Variants in MAPK14 observed in about 807,000 individuals in gnomAD.
MAPK14 encodes the protein CSAID-binding protein.
MAPK14 carries 16 observed loss-of-function variants against 49.6 expected under a neutral mutation model. The ratio of observed to expected loss-of-function variants is 0.32; its 90% CI spans 0.22 to 0.49. The LOEUF is 0.49. MAPK14 is among the 20% of genes least tolerant of loss of function. The pLI, the probability that MAPK14 is intolerant of heterozygous loss-of-function variation, is 0.99. For synonymous variants in MAPK14, 142 were observed against 158.0 expected, an observed-to-expected ratio of 0.90 and a Z score of 0.76; for missense variants, 200 against 441.2, an observed-to-expected ratio of 0.45 and a Z score of 4.90.
chr6:36,034,556 C>T (rs529987358), intron 1 of MAPK14, among the ~76,000 whole-genome samples: 26 of 152,168 alleles, frequency 1.7e-4, no homozygotes, highest in Non-Finnish European at 3.2e-4. Flanking sequence ...AAAGTGGGCT[C>T]CCCTGACTTG....
chr6:36,043,375 A>G (rs1183832873), intron 1 of MAPK14, among the ~76,000 whole-genome samples: 30 of 152,188 alleles, frequency 2.0e-4, no homozygotes, highest in Non-Finnish European at 4.4e-5. Context: ...GGTTTGAAGA[A>G]TATTTTTTGA....
rs374121687 is a variant in MAPK14, at chr6:36,046,918, G to A, written c.117-5781G>A. Among the ~76,000 whole-genome samples, 180 of 152,328 alleles carry A rather than the reference G, an allele frequency of 1.2e-3. 4 individuals are homozygous for A. The South Asian group carries it at 0.036, about 31-fold the overall frequency. On this transcript the variant is annotated intron_variant, in intron 1 of 11. Coordinates refer to ENST00000229794, the MANE Select transcript of MAPK14 (RefSeq NM_139012.3). ...GCTGCTGTTCCTTGCTCCCCAGCAG[G>A]CTTACCAATGGAGGAGAGAAGAAAG...
chr6:36,106,720 T>G (rs747923603), intron 10 of MAPK14, among the ~76,000 whole-genome samples: 32 of 152,206 alleles, frequency 2.1e-4, no homozygotes, highest in Non-Finnish European at 4.0e-4. Flanking sequence ...GAGTGTTCAC[T>G]TTATCATAGT....
At chr6:36,064,693 A>G (rs1490071891) in intron 3 of MAPK14, among the ~76,000 whole-genome samples, 1 of 152,230 alleles carries the variant, frequency 6.6e-6, no homozygotes, top group Non-Finnish European at 1.5e-5. Flanking sequence ...GGTAAAGGAA[A>G]TTTCTGGATT....
At chr6:36,058,897 T>TG (rs1040944310) in intron 2 of MAPK14, among the ~76,000 whole-genome samples, 1 of 151,236 alleles carries the variant, frequency 6.6e-6, no homozygotes, top group African/African-American at 2.4e-5. Context: ...TTTTTTTTTT[T>TG]TGAGACAGAG....
At chr6:36,032,555 T>TTC (rs1409529489) in intron 1 of MAPK14, among the ~76,000 whole-genome samples, 3 of 152,146 alleles carry the variant, frequency 2.0e-5, no homozygotes, top group Non-Finnish European at 4.4e-5. Context: ...TTGCTGTTGA[T>TTC]TAGAGGAGGT....
intron 8 of MAPK14, among the ~76,000 whole-genome samples, chr6:36,088,700 C>T (rs539241877): frequency 6.8e-5 from 10 of 146,684 alleles, no homozygotes; most frequent in African/African-American, 1.0e-4. Flanking sequence ...CCAGCCTGGG[C>T]GACAGAGCGA....
intron 7 of MAPK14, 30 bp downstream of exon 7, chr6:36,075,992 T>C: frequency 1.2e-6 from 2 of 1,611,034 alleles, no homozygotes; most frequent in Non-Finnish European, 1.7e-6. Flanking sequence ...TTTAGGGCCT[T>C]ATTTAATTCC....
At chr6:36,071,154 G>C (rs1348771183) in intron 3 of MAPK14, among the ~76,000 whole-genome samples, 1 of 151,900 alleles carries the variant, frequency 6.6e-6, no homozygotes, top group African/African-American at 2.4e-5. Context: ...CCAACATGAT[G>C]AAACCCCGCC....
chr6:36,099,228 G>A (rs562930774), intron 9 of MAPK14, among the ~76,000 whole-genome samples: 2 of 152,342 alleles, frequency 1.3e-5, no homozygotes, highest in Non-Finnish European at 2.9e-5. Context: ...GACTAGAAAA[G>A]GGGTTTATTG....
intron 8 of MAPK14, among the ~76,000 whole-genome samples, chr6:36,086,784 T>G (rs1765003510): frequency 6.6e-6 from 1 of 152,148 alleles, no homozygotes; most frequent in African/African-American, 2.4e-5. Flanking sequence ...CCCCTATAAC[T>G]CATTTTATGA....
intron 1 of MAPK14, among the ~76,000 whole-genome samples, chr6:36,030,202 A>G (rs1762484628): frequency 6.6e-6 from 1 of 152,142 alleles, no homozygotes; most frequent in South Asian, 2.1e-4. Context: ...ACTATTGGTG[A>G]CTAGCTCTGC....
chr6:36,063,066 G>C (rs1428443034), intron 3 of MAPK14, among the ~76,000 whole-genome samples: 1 of 152,150 alleles, frequency 6.6e-6, no homozygotes, highest in Non-Finnish European at 1.5e-5. Context: ...GATGTGTTCT[G>C]AGAAATATGT....
At chr6:36,056,506 A>G (rs544728203) in intron 2 of MAPK14, among the ~76,000 whole-genome samples, 1 of 152,372 alleles carries the variant, frequency 6.6e-6, no homozygotes, top group South Asian at 2.1e-4. Flanking sequence ...TGAAGAAATT[A>G]TAAGCTCTTG....
the MAPK14 span, among the ~76,000 whole-genome samples, chr6:36,122,694 T>C: frequency 6.6e-6 from 1 of 151,812 alleles, no homozygotes; most frequent in Non-Finnish European, 1.5e-5. Flanking sequence ...TCGGAGGAGG[T>C]GACACATGAG....
At chr6:36,073,989 G>A in intron 5 of MAPK14, 60 bp from the exon 6 acceptor site, 1 of 1,229,220 alleles carries the variant, frequency 8.1e-7, no homozygotes, top group Non-Finnish European at 1.2e-6. Context: ...ATTACCTGTA[G>A]GGGGAGAATT....
intron 1 of MAPK14, among the ~76,000 whole-genome samples, chr6:36,031,212 C>T (rs895297530): frequency 6.6e-6 from 1 of 152,040 alleles, no homozygotes; most frequent in African/African-American, 2.4e-5. Context: ...ACGGGGTTCT[C>T]CATGTTGGCC....
chr6:36,030,927 C>T (rs1053664093), intron 1 of MAPK14, among the ~76,000 whole-genome samples: 4 of 152,128 alleles, frequency 2.6e-5, no homozygotes, highest in Admixed American at 1.3e-4. Context: ...TGACAATAAA[C>T]AAATTATAAC....
intron 2 of MAPK14, 148 bp downstream of exon 2, chr6:36,052,976 G>A (rs1763461376): frequency 6.2e-6 from 3 of 483,606 alleles, no homozygotes; most frequent in Non-Finnish European, 1.1e-5. Context: ...ACTTGGTTAT[G>A]TCAGGTCAAA....
Sources: gnomAD v4.1 joint callset for allele counts (sites outside exome capture counted in the v4.1 genomes callset) on GRCh38, gnomAD v4.1.1 for gene constraint, MANE v1.5 for transcripts, NCBI Gene and HGNC (gene_info 2026-07-23, HGNC 2026-07-21) for gene names.